The following GPHN variants were observed in gnomAD, a reference collection of about 807,000 sequenced individuals.
GPHN encodes the protein gephyrin.
Under a neutral mutation model 95.5 loss-of-function variants are expected in GPHN, and 17 were observed. That is an observed-to-expected ratio of 0.18 (90% CI 0.12 to 0.27). The LOEUF is 0.27. Ranked by LOEUF, GPHN falls within the 10% of genes least tolerant of loss-of-function variation. The pLI is 1.00. For synonymous variants in GPHN, 320 were observed against 322.5 expected, an observed-to-expected ratio of 0.99 and a Z score of 0.08; for missense variants, 660 against 978.1, an observed-to-expected ratio of 0.67 and a Z score of 4.34.
the GPHN span, among the ~76,000 whole-genome samples, chr14:67,547,104 C>A: frequency 1.3e-5 from 2 of 152,000 alleles, no homozygotes; most frequent in Non-Finnish European, 2.9e-5. Context: ...CTCATGTAAC[C>A]AGAATGTCTT....
chr14:67,279,431 T>C, the GPHN span: 4 of 1,613,878 alleles, frequency 2.5e-6, no homozygotes, highest in Non-Finnish European at 2.5e-6. Flanking sequence ...CCATGAGACT[T>C]AAGAAACTAG....
At chr14:66,584,094 T>A (rs1396567051) in intron 1 of GPHN, among the ~76,000 whole-genome samples, 2 of 152,156 alleles carry the variant, frequency 1.3e-5, no homozygotes, top group Non-Finnish European at 2.9e-5. Flanking sequence ...CTTGAAGAGG[T>A]CCTTCACATC....
At chr14:66,529,054 A>C (rs2058806420) in intron 1 of GPHN, among the ~76,000 whole-genome samples, 1 of 152,104 alleles carries the variant, frequency 6.6e-6, no homozygotes, top group South Asian at 2.1e-4. Context: ...ATCCTGAAGA[A>C]TGTTTTCCAA....
the GPHN span, among the ~76,000 whole-genome samples, chr14:67,286,927 AC>A: frequency 6.7e-6 from 1 of 150,340 alleles, no homozygotes; most frequent in Admixed American, 6.7e-5. Flanking sequence ...TTAAAAATGT[AC>A]CCTTTATGGC....
intron 4 of GPHN, among the ~76,000 whole-genome samples, chr14:66,829,902 C>A (rs1358145086): frequency 6.6e-6 from 1 of 151,676 alleles, no homozygotes; most frequent in Non-Finnish European, 1.5e-5. Context: ...TTTTGCATGT[C>A]CAGGGAGCTA....
chr14:67,017,686 A>G (rs773296566), intron 9 of GPHN, among the ~76,000 whole-genome samples: 1 of 152,112 alleles, frequency 6.6e-6, no homozygotes, highest in Admixed American at 6.6e-5. Flanking sequence ...CTCTTGGTAT[A>G]GAAAACTTTT....
At chr14:67,259,219 G>A in the GPHN span, among the ~76,000 whole-genome samples, 1 of 151,848 alleles carries the variant, frequency 6.6e-6, no homozygotes, top group Non-Finnish European at 1.5e-5. Flanking sequence ...ACACATGCCC[G>A]ATTTCTATAC....
At chr14:66,530,761 G>A (rs2058891481) in intron 1 of GPHN, among the ~76,000 whole-genome samples, 1 of 152,002 alleles carries the variant, frequency 6.6e-6, no homozygotes, top group Non-Finnish European at 1.5e-5. Context: ...GCCCCACCCT[G>A]CTTCTGCTCG....
the GPHN span, chr14:67,292,740 G>C: frequency 2.5e-5 from 39 of 1,585,594 alleles, no homozygotes; most frequent in Non-Finnish European, 3.3e-5. Flanking sequence ...TAAACATCTT[G>C]TTGATGTCTA....
the GPHN span, among the ~76,000 whole-genome samples, chr14:67,396,324 T>G: frequency 2.6e-5 from 4 of 151,432 alleles, no homozygotes; most frequent in Non-Finnish European, 4.4e-5. Flanking sequence ...ATTTTTGTAT[T>G]TTTAGTAGAG....
At chr14:67,375,043 T>C in the GPHN span, among the ~76,000 whole-genome samples, 2 of 152,220 alleles carry the variant, frequency 1.3e-5, no homozygotes, top group African/African-American at 2.4e-5. Context: ...TTACTAGTTT[T>C]GGTTTTTTTC....
chr14:66,785,474 C>A (rs144559571), intron 3 of GPHN, among the ~76,000 whole-genome samples: 12 of 151,942 alleles, frequency 7.9e-5, no homozygotes, highest in Non-Finnish European at 1.5e-4. Flanking sequence ...ACAGAGAGGA[C>A]ATCCCATAAT....
At chr14:67,249,991 GAA>G in the GPHN span, among the ~76,000 whole-genome samples, 4 of 152,280 alleles carry the variant, frequency 2.6e-5, no homozygotes, top group East Asian at 7.7e-4. Context: ...TAACGCTTCG[GAA>G]AGTCTTTTTT....
intron 2 of GPHN, among the ~76,000 whole-genome samples, chr14:66,704,010 G>A (rs1218088944): frequency 2.7e-5 from 4 of 150,810 alleles, no homozygotes; most frequent in African/African-American, 7.3e-5. Flanking sequence ...AAGGGCAGGA[G>A]TTGCAATCCT....
At chr14:67,612,464 G>A in the GPHN span, among the ~76,000 whole-genome samples, 112 of 152,306 alleles carry the variant, frequency 7.4e-4, no homozygotes, top group African/African-American at 2.6e-3. Context: ...GGAGCTTCCG[G>A]TTCTGGTTGG....
rs1460663755 is a variant in GPHN, at chr14:66,916,127, G to C, written c.456+58G>C. ...TAAGAGCTTTTGACCAGCCGTGAAAGTTAGCCAGCCAAAAAGTTGGAGCAC... is the reference window on the plus strand; with the variant it reads ...TAAGAGCTTTTGACCAGCCGTGAAACTTAGCCAGCCAAAAAGTTGGAGCAC... On this transcript the variant is annotated intron_variant, in intron 6 of 22. Coordinates refer to ENST00000478722, the MANE Select transcript of GPHN (RefSeq NM_020806.5). 7.7e-6 allele frequency: 9 copies of C among 1,161,456 alleles called. No individual in the cohort carries two copies. In the Admixed American group the frequency reaches 1.5e-4, roughly 20 times the overall value. 71.9% of individuals were successfully genotyped at this position (1,161,456 alleles called of 1,614,324 possible).
intron 21 of GPHN, among the ~76,000 whole-genome samples, chr14:67,174,295 T>G (rs1010013098): frequency 1.3e-5 from 2 of 149,744 alleles, no homozygotes; most frequent in African/African-American, 4.9e-5. Context: ...GTGTTCTCAT[T>G]GTTCAACTCC....
chr14:67,042,048 C>T (rs187090084), intron 10 of GPHN, among the ~76,000 whole-genome samples: 1,826 of 150,962 alleles, frequency 0.012, 19 homozygotes, highest in Non-Finnish European at 0.018. Flanking sequence ...GTACTTTGCC[C>T]ATTTTTTGAT....
intron 11 of GPHN, among the ~76,000 whole-genome samples, chr14:67,085,820 G>T (rs2076862137): frequency 6.6e-6 from 1 of 152,010 alleles, no homozygotes; most frequent in African/African-American, 2.4e-5. Flanking sequence ...GAACTTTTTG[G>T]TCTTCCCAAA....
Sources: allele counts gnomAD v4.1 joint callset (sites outside exome capture counted in the v4.1 genomes callset), GRCh38; gene constraint gnomAD v4.1.1; transcripts MANE v1.5; gene names NCBI Gene and HGNC (gene_info 2026-07-23, HGNC 2026-07-21).